Variants in TANC1 observed in about 807,000 individuals in gnomAD.
The protein encoded by TANC1 is protein TANC1.
Under a neutral mutation model 149.7 loss-of-function variants are expected in TANC1, and 77 were observed. That is an observed-to-expected ratio of 0.51 (90% CI 0.43 to 0.62). The LOEUF (loss-of-function observed/expected upper bound fraction) is 0.62. TANC1 is among the 20% of genes least tolerant of loss of function. The pLI is 0.00. For missense variants in TANC1, 1,985 were observed against 2,321.8 expected (o/e 0.85, Z 2.98); for synonymous variants, 854 against 925.0 (o/e 0.92, Z 1.39).
intron 3 of TANC1, among the ~76,000 whole-genome samples, chr2:159,083,558 T>C (rs2044503555): frequency 6.6e-6 from 1 of 152,254 alleles, no homozygotes. Flanking sequence ...CTTATACTTA[T>C]GTTGATTTCC....
intron 5 of TANC1, chr2:159,148,910 T>C: frequency 2.5e-6 from 1 of 403,078 alleles, no homozygotes; most frequent in Admixed American, 4.2e-5. Context: ...AACACTGGGC[T>C]CTTCTCACTC....
chr2:159,069,556 T>C (rs572663408), intron 3 of TANC1, among the ~76,000 whole-genome samples: 1 of 152,262 alleles, frequency 6.6e-6, no homozygotes, highest in South Asian at 2.1e-4. Flanking sequence ...TTACTTAGTT[T>C]TAAAAATTAA....
At chr2:159,130,831 C>G (rs1332458476) in intron 4 of TANC1, among the ~76,000 whole-genome samples, 1 of 152,172 alleles carries the variant, frequency 6.6e-6, no homozygotes, top group African/African-American at 2.4e-5. Context: ...CAGGCGTGCA[C>G]CACCGTGCCC....
At chr2:159,046,572 T>C (rs2041061105) in intron 2 of TANC1, among the ~76,000 whole-genome samples, 1 of 148,220 alleles carries the variant, frequency 6.7e-6, no homozygotes, top group Non-Finnish European at 1.5e-5. Context: ...CTATGCACCA[T>C]TCTTTTCTTT....
At chr2:159,068,885 C>T (rs560633662) in intron 3 of TANC1, among the ~76,000 whole-genome samples, 10 of 152,094 alleles carry the variant, frequency 6.6e-5, no homozygotes, top group Non-Finnish European at 1.5e-4. Flanking sequence ...GATTATAGGC[C>T]CGTGCCACCA....
intron 1 of TANC1, among the ~76,000 whole-genome samples, chr2:158,977,732 T>C (rs1440259045): frequency 2.0e-5 from 3 of 152,158 alleles, no homozygotes; most frequent in East Asian, 1.9e-4. Context: ...ATACCTGATA[T>C]AAGGACAGAT....
intron 4 of TANC1, among the ~76,000 whole-genome samples, chr2:159,132,655 A>C (rs907106930): frequency 7.9e-6 from 1 of 127,266 alleles, no homozygotes; most frequent in Non-Finnish European, 1.6e-5. Flanking sequence ...CACCCAGCTA[A>C]TTTTTTTTTT....
intron 6 of TANC1, chr2:159,149,974 A>G (rs1007012058): frequency 1.0e-4 from 18 of 171,456 alleles, no homozygotes; most frequent in Non-Finnish European, 5.0e-5. Context: ...AACATCACAA[A>G]AACAGAGCTC....
intron 20 of TANC1, among the ~76,000 whole-genome samples, chr2:159,218,553 T>A (rs1185497256): frequency 6.6e-6 from 1 of 152,128 alleles, no homozygotes; most frequent in Non-Finnish European, 1.5e-5. Context: ...ATGTAACAGG[T>A]GATGTGTTGG....
At chr2:159,093,236 A>G (rs2045732117) in intron 3 of TANC1, among the ~76,000 whole-genome samples, 1 of 152,250 alleles carries the variant, frequency 6.6e-6, no homozygotes, top group African/African-American at 2.4e-5. Context: ...CCATCACTTA[A>G]TCAAGGTGGG....
intron 4 of TANC1, among the ~76,000 whole-genome samples, chr2:159,100,914 G>A (rs543149848): frequency 1.1e-4 from 16 of 152,136 alleles, no homozygotes; most frequent in Non-Finnish European, 7.4e-5. Context: ...AATGTGTACT[G>A]GATTTAAAAA....
At chr2:159,051,647 G>A (rs993804985) in intron 2 of TANC1, among the ~76,000 whole-genome samples, 4 of 106,302 alleles carry the variant, frequency 3.8e-5, no homozygotes, top group Non-Finnish European at 7.8e-5. Flanking sequence ...AGTTGAAGTG[G>A]TGTTTGTGTG....
At position 158,984,700 on chromosome 2, in the gene TANC1, A is replaced by G. The variant is rs561814200; in HGVS notation, c.-126+15918A>G. Among the ~76,000 whole-genome samples, 29 of 152,020 alleles carry G rather than the reference A, an allele frequency of 1.9e-4. 1 individual carries two copies. Among genetic ancestry groups the G allele is most frequent in the African/African-American group, 6.8e-4 (28 of 41,434 alleles). On this transcript the variant is annotated intron_variant, in intron 1 of 26. Coordinates refer to ENST00000263635, the MANE Select transcript of TANC1 (RefSeq NM_033394.3). ...GGAGTAGGGGGAGGAGGAGGAGTTG[A>G]CAGTGGCTGGGGAAAGCTTCAGGGA...
chr2:159,074,235 T>G (rs1157405691), intron 3 of TANC1, among the ~76,000 whole-genome samples: 1 of 152,216 alleles, frequency 6.6e-6, no homozygotes, highest in Non-Finnish European at 1.5e-5. Context: ...AACGAGCAAC[T>G]GAGCAGCTGG....
intron 1 of TANC1, among the ~76,000 whole-genome samples, chr2:158,973,173 G>A (rs757131613): frequency 1.3e-5 from 2 of 152,062 alleles, no homozygotes; most frequent in Non-Finnish European, 1.5e-5. Context: ...AGATTTTTTC[G>A]CTAACATGAG....
rs139636924 is a variant in TANC1 at position 159,210,408 on chromosome 2, C to A, written c.3245-7089C>A. ...AGCCCTGTTTGTGGAATGACTGTGT[C>A]CCCGGCAAGTTGACAATTGAGTTTT... On this transcript the variant is annotated intron_variant, in intron 19 of 26. Transcript: ENST00000263635. Among the ~76,000 whole-genome samples the A allele has an allele frequency of 4.6e-5, 7 of 152,222 alleles. No individual in the cohort carries two copies. The East Asian group carries it at 1.4e-3, about 29-fold the overall frequency.
intron 19 of TANC1, among the ~76,000 whole-genome samples, 179 bp downstream of exon 19, chr2:159,199,232 G>A (rs184878379): frequency 4.6e-5 from 7 of 152,340 alleles, no homozygotes; most frequent in South Asian, 4.1e-4. Flanking sequence ...TGCTGGAAGC[G>A]TAAGATTTTA....
At chr2:159,117,701 C>CTTTTT (rs59509568) in intron 4 of TANC1, among the ~76,000 whole-genome samples, 22 of 113,262 alleles carry the variant, frequency 1.9e-4, no homozygotes, top group African/African-American at 8.1e-4. Flanking sequence ...CGGCCTATTC[C>CTTTTT]TTTTTTTTTT....
Position 159,229,876 on chromosome 2 carries a change from C to G in TANC1, c.4450C>G (p.Pro1484Ala). ...TPRSQPSSSVPSSYIRNLQEG... is the reference protein window; with the variant it reads ...TPRSQPSSSVASSYIRNLQEG... ...CAGGTCCCAGCCATCCTCATCTGTC[C>G]CTTCCTCATACATCCGAAACCTTCA... is the stretch of plus-strand genomic sequence containing the variant. The change falls in exon 27 of 27, where the codon CCT becomes GCT. Residue 1484 changes from proline to alanine, a missense_variant. Coordinates refer to ENST00000263635, the MANE Select transcript of TANC1 (RefSeq NM_033394.3). The G allele has an allele frequency of 6.2e-7, 1 of 1,614,120 alleles. No homozygotes were observed. Among genetic ancestry groups the G allele is most frequent in the Non-Finnish European group, 8.5e-7 (1 of 1,180,038 alleles).
Sources: gnomAD v4.1 joint callset for allele counts (sites outside exome capture counted in the v4.1 genomes callset) on GRCh38, gnomAD v4.1.1 for gene constraint, MANE v1.5 for transcripts, NCBI Gene and HGNC (gene_info 2026-07-23, HGNC 2026-07-21) for gene names.